Variants in SNX4 observed in about 807,000 individuals in gnomAD.
SNX4 encodes the protein sorting nexin-4.
A neutral mutation model predicts 70.8 loss-of-function variants in SNX4; 49 were observed. The observed-to-expected ratio is 0.69, with a 90% confidence interval of 0.55 to 0.88. The LOEUF (loss-of-function observed/expected upper bound fraction) is 0.88, where lower values mean the gene tolerates loss of function less well. Among genes scored for constraint, SNX4 ranks in the 40% least tolerant of loss-of-function variants. The pLI is 0.00. For missense variants in SNX4, 528 were observed against 544.8 expected (o/e 0.97, Z 0.31); for synonymous variants, 206 against 183.8 (o/e 1.12, Z -0.98).
At chr3:125,472,042 C>T (rs1024105545) in intron 8 of SNX4, among the ~76,000 whole-genome samples, 1 of 152,158 alleles carries the variant, frequency 6.6e-6, no homozygotes, top group Non-Finnish European at 1.5e-5. Flanking sequence ...AAGCCTAATT[C>T]CTGCTCATTT....
At chr3:125,457,572 C>CTTTT (rs1005344428) in intron 10 of SNX4, among the ~76,000 whole-genome samples, 24 of 110,408 alleles carry the variant, frequency 2.2e-4, no homozygotes, top group African/African-American at 4.6e-4. Flanking sequence ...TTCATATATT[C>CTTTT]TTTTTTTTTT....
At chr3:125,497,759 A>G (rs750750086) in intron 4 of SNX4, 75 bp downstream of exon 4, 34 of 992,316 alleles carry the variant, frequency 3.4e-5, no homozygotes, top group Non-Finnish European at 4.2e-5. Flanking sequence ...GATCCTTAAA[A>G]TAAGTATTCT....
At chr3:125,511,307 A>ATCTG (rs1553729351) in intron 1 of SNX4, among the ~76,000 whole-genome samples, 1 of 151,694 alleles carries the variant, frequency 6.6e-6, no homozygotes, top group Non-Finnish European at 1.5e-5. Flanking sequence ...CCAAAATCGA[A>ATCTG]TCTCTCTCTC....
In SNX4 at chr3:125,495,275, T is replaced by TATATATATATATATATATATACACACAC; in HGVS notation, c.597+2065_597+2066insGTGTGTGTATATATATATATATATATAT. The stretch of plus-strand genomic sequence containing the variant: ...TTATATATATATATATATATATATA[T>TATATATATATATATATATATACACACAC]ATACACATACACACACACACACGTA... On this transcript the variant is annotated intron_variant, in intron 5 of 13. Coordinates refer to ENST00000251775, the MANE Select transcript of SNX4 (RefSeq NM_003794.4). Among the ~76,000 whole-genome samples the TATATATATATATATATATATACACACAC allele has an allele frequency of 1.8e-3, 148 of 83,002 alleles. 4 individuals carry two copies. The highest frequency in any genetic ancestry group is 3.4e-3 in the Admixed American group (20 of 5,806). The allele number at this position is 83,002 out of a possible 152,430, so 54.5% of individuals were successfully genotyped here.
intron 12 of SNX4, among the ~76,000 whole-genome samples, chr3:125,452,399 T>C (rs916311618): frequency 1.2e-4 from 19 of 152,062 alleles, no homozygotes; most frequent in African/African-American, 4.6e-4. Flanking sequence ...GCCAGCTGCA[T>C]GTACTTGTTT....
At chr3:125,480,157 T>C in intron 7 of SNX4, 90 bp downstream of exon 7, 1 of 746,372 alleles carries the variant, frequency 1.3e-6, no homozygotes, top group Non-Finnish European at 2.1e-6. Flanking sequence ...TTATTCATGG[T>C]AAATACCACC....
chr3:125,488,430 A>G (rs1362678351), intron 6 of SNX4, among the ~76,000 whole-genome samples: 1 of 152,080 alleles, frequency 6.6e-6, no homozygotes, highest in African/African-American at 2.4e-5. Context: ...AGCAGGGATC[A>G]CGCCACTACA....
chr3:125,516,856 T>A (rs1222953159), intron 1 of SNX4: 1 of 151,964 alleles, frequency 6.6e-6, no homozygotes, highest in African/African-American at 2.4e-5. Flanking sequence ...AGAAAAAAAA[T>A]GGTGGTTAAG....
chr3:125,491,644 T>C (rs1005106774), intron 5 of SNX4, among the ~76,000 whole-genome samples: 2 of 152,218 alleles, frequency 1.3e-5, no homozygotes, highest in Admixed American at 6.5e-5. Context: ...AAAAACTACC[T>C]GGACTGTTCC....
rs1343768056 is a variant in SNX4, at chr3:125,447,673, C to T, written c.*106G>A. ...GTTAAAGAAAGCTGAATTTATTTAA[C>T]TTATTGTATATGTTTATGTATACTA... On this transcript the variant is annotated 3_prime_UTR_variant, in exon 14 of 14. Transcript: ENST00000251775. 2 of 694,016 alleles carry T rather than the reference C, an allele frequency of 2.9e-6. No homozygotes were observed. The highest frequency in any genetic ancestry group is 2.0e-5 in the South Asian group (1 of 50,478). 43.0% of individuals were successfully genotyped at this position (694,016 alleles called of 1,614,324 possible).
chr3:125,495,264 A>ATC (rs1934761794), intron 5 of SNX4, among the ~76,000 whole-genome samples: 2 of 67,550 alleles, frequency 3.0e-5, no homozygotes, highest in African/African-American at 4.9e-5. Flanking sequence ...ATATATATAT[A>ATC]TATATATATA....
At chr3:125,465,614 G>C (rs1933991289) in intron 9 of SNX4, among the ~76,000 whole-genome samples, 1 of 151,692 alleles carries the variant, frequency 6.6e-6, no homozygotes, top group Admixed American at 6.6e-5. Context: ...GCTATTCTAG[G>C]TTCTTTAAAT....
intron 6 of SNX4, among the ~76,000 whole-genome samples, chr3:125,487,136 A>G (rs1934549519): frequency 6.6e-6 from 1 of 152,088 alleles, no homozygotes; most frequent in Non-Finnish European, 1.5e-5. Context: ...AAACTATTTT[A>G]GTAATATATT....
rs747473917 is a variant in SNX4 at position 125,520,129 on chromosome 3, G to A, written c.44C>T (p.Ala15Val). The A allele has an allele frequency of 3.4e-6, 5 of 1,463,240 alleles. No individual in the cohort carries two copies. The highest frequency in any genetic ancestry group is 4.5e-6 in the Non-Finnish European group (5 of 1,113,528). 90.6% of individuals were successfully genotyped at this position (1,463,240 alleles called of 1,614,324 possible). Residue 15 changes from alanine to valine, a missense_variant, in exon 1 of 14, where the codon GCG (alanine) becomes GTG (valine). By Grantham distance (64) the Ala-to-Val change is moderately conservative. This residue lies in a region of SNX4 where 341 missense variants were observed against 312.2 expected (regional missense o/e 1.09). Transcript: ENST00000251775. The part of the protein sequence containing the change: ...PPDPERQLQP[A>V]PLEPLGSPDA... Reference sequence around the variant, plus strand: ...TGGGGAGCCCAGCGGCTCCAAGGGCGCCGGCTGGAGCTGCCGCTCGGGGTC... The same window carrying A: ...TGGGGAGCCCAGCGGCTCCAAGGGCACCGGCTGGAGCTGCCGCTCGGGGTC...
chr3:125,490,690 GAAACTGAGGGATAAATACTAAATAATA>G (rs1163981777), intron 5 of SNX4, among the ~76,000 whole-genome samples: 3 of 150,718 alleles, frequency 2.0e-5, no homozygotes, highest in Admixed American at 6.6e-5. Context: ...TCTCAAAGAA[GAAACTGAGGGATAAATACTAAATAATA>G]ATTTCACTGC....
intron 9 of SNX4, among the ~76,000 whole-genome samples, chr3:125,464,024 A>G (rs923483207): frequency 5.3e-5 from 8 of 152,194 alleles, no homozygotes; most frequent in Non-Finnish European, 4.4e-5. Flanking sequence ...CCTGGGTAAC[A>G]CAGTGAGACC....
intron 1 of SNX4, among the ~76,000 whole-genome samples, chr3:125,507,191 GA>G (rs753584700): frequency 0.49 from 44,459 of 90,890 alleles, 7,589 homozygotes; most frequent in Admixed American, 0.54. Flanking sequence ...CTGGGTGATA[GA>G]AAAAAAAAAA....
At chr3:125,499,850 G>A (rs1182813762) in intron 2 of SNX4, among the ~76,000 whole-genome samples, 2 of 151,480 alleles carry the variant, frequency 1.3e-5, no homozygotes, top group Non-Finnish European at 2.9e-5. Flanking sequence ...GGGTGGATCA[G>A]GAGTTTGAGA....
intron 6 of SNX4, among the ~76,000 whole-genome samples, chr3:125,480,675 C>G (rs1203038629): frequency 1.3e-5 from 2 of 152,172 alleles, no homozygotes; most frequent in African/African-American, 4.8e-5. Flanking sequence ...TAACCTCAAT[C>G]TTAATTCTGC....
Sources: allele counts gnomAD v4.1 joint callset (sites outside exome capture counted in the v4.1 genomes callset), GRCh38; gene constraint gnomAD v4.1.1; regional missense constraint gnomAD v4.1.1; transcripts MANE v1.5; gene names NCBI Gene and HGNC (gene_info 2026-07-23, HGNC 2026-07-21).